The following RBFOX1 variants were observed in gnomAD, a reference collection of about 807,000 sequenced individuals.
The protein encoded by RBFOX1 is RNA binding protein fox-1 homolog 1.
RBFOX1 carries 8 observed loss-of-function variants against 57.7 expected under a neutral mutation model. The ratio of observed to expected loss-of-function variants is 0.14; its 90% CI spans 0.08 to 0.25. The LOEUF is 0.25. Ranked by LOEUF, RBFOX1 falls within the 10% of genes least tolerant of loss-of-function variation. The probability of loss-of-function intolerance (pLI) is 1.00; values close to 1 mark genes in which losing one functional copy is unlikely to be tolerated. For missense variants in RBFOX1, 611 were observed against 548.5 expected (o/e 1.11, Z -1.14); for synonymous variants, 326 against 222.4 (o/e 1.47, Z -4.15).
At chr16:7,592,898 A>G (rs2094516256) in intron 7 of RBFOX1, among the ~76,000 whole-genome samples, 1 of 151,748 alleles carries the variant, frequency 6.6e-6, no homozygotes, top group African/African-American at 2.4e-5. Flanking sequence ...TGTAGCCTCA[A>G]CCTCCTGGGC....
intron 4 of RBFOX1, among the ~76,000 whole-genome samples, chr16:7,381,506 CTTTTT>C (rs1194917348): frequency 6.8e-6 from 1 of 148,096 alleles, no homozygotes; most frequent in African/African-American, 2.5e-5. Context: ...TCCCCCCCGC[CTTTTT>C]TTTTTATTTT....
chr16:5,891,716 G>T (rs965917953), intron 4 of RBFOX1, among the ~76,000 whole-genome samples: 1 of 152,092 alleles, frequency 6.6e-6, no homozygotes, highest in Non-Finnish European at 1.5e-5. Flanking sequence ...TGGGGAGAAA[G>T]GAACAGTGAG....
At position 7,101,300 on chromosome 16, in the gene RBFOX1, G is replaced by A. The variant is rs753168800; in HGVS notation, c.27+49202G>A. On this transcript the variant is annotated intron_variant, in intron 4 of 15. Transcript: ENST00000550418. The stretch of plus-strand genomic sequence containing the variant: ...TCGCCGCTAGCTTGGATGAATACAT[G>A]ACACACCATTGCGCTTGGAGAAAAT... 1.3e-4 allele frequency among the ~76,000 whole-genome samples: 20 copies of A among 152,186 alleles called. 1 individual carries two copies. The highest frequency in any genetic ancestry group is 1.3e-4 in the Admixed American group (2 of 15,274).
intron 11 of RBFOX1, among the ~76,000 whole-genome samples, chr16:7,652,069 G>A (rs541671532): frequency 6.6e-6 from 1 of 151,726 alleles, no homozygotes; most frequent in Non-Finnish European, 1.5e-5. Context: ...AGGGGACAGG[G>A]GTAACCGGGG....
chr16:6,327,144 A>G (rs78447472), intron 2 of RBFOX1, among the ~76,000 whole-genome samples: 1 of 152,226 alleles, frequency 6.6e-6, no homozygotes, highest in Non-Finnish European at 1.5e-5. Context: ...CCCAGTCCAG[A>G]TGTATGGTCC....
Position 7,298,436 on chromosome 16 carries a change from G to A in RBFOX1, c.28-219711G>A, listed in dbSNP as rs189802144. ...CCCAAGTAGCTGGGACTACAGATGC[G>A]TGCGACTATGCCTGAGGGCTAATTT... On this transcript the variant is annotated intron_variant, in intron 4 of 15. Coordinates refer to ENST00000550418, the MANE Select transcript of RBFOX1 (RefSeq NM_018723.4). 5.5e-4 allele frequency among the ~76,000 whole-genome samples: 84 copies of A among 152,068 alleles called. 1 individual carries two copies. In the East Asian group the frequency reaches 0.014, roughly 25 times the overall value.
intron 2 of RBFOX1, among the ~76,000 whole-genome samples, chr16:5,598,567 G>A (rs1177263653): frequency 6.6e-6 from 1 of 152,010 alleles, no homozygotes; most frequent in Non-Finnish European, 1.5e-5. Context: ...TTTCTAACAT[G>A]TAATCGATAT....
intron 14 of RBFOX1, among the ~76,000 whole-genome samples, chr16:7,703,182 C>T (rs922344815): frequency 2.0e-5 from 3 of 152,194 alleles, no homozygotes; most frequent in African/African-American, 7.2e-5. Flanking sequence ...TTTCCAAATA[C>T]TTAAGACTAT....
intron 4 of RBFOX1, among the ~76,000 whole-genome samples, chr16:7,404,407 G>A (rs149036808): frequency 6.6e-6 from 1 of 152,266 alleles, no homozygotes; most frequent in African/African-American, 2.4e-5. Context: ...TCAGGGACAG[G>A]CCTCCAAGCT....
At chr16:5,350,499 CT>C (rs2065238682) in intron 1 of RBFOX1, among the ~76,000 whole-genome samples, 2 of 152,156 alleles carry the variant, frequency 1.3e-5, no homozygotes, top group Non-Finnish European at 2.9e-5. Context: ...CCGTGTCAGC[CT>C]TTGCTCTTTG....
At chr16:7,026,413 T>A (rs972202985) in intron 3 of RBFOX1, among the ~76,000 whole-genome samples, 13 of 152,226 alleles carry the variant, frequency 8.5e-5, no homozygotes, top group African/African-American at 3.1e-4. Flanking sequence ...AAAGAACAGT[T>A]GAGGGCAGCA....
chr16:5,479,715 C>G (rs149032195), intron 2 of RBFOX1, among the ~76,000 whole-genome samples: 1 of 152,014 alleles, frequency 6.6e-6, no homozygotes. Flanking sequence ...TCCAAGATCG[C>G]GCCATTCCAG....
intron 3 of RBFOX1, among the ~76,000 whole-genome samples, chr16:6,699,564 C>G (rs965994310): frequency 1.3e-5 from 2 of 152,172 alleles, no homozygotes; most frequent in Admixed American, 6.5e-5. Context: ...AACACCAAAG[C>G]GAGTGATATG....
At position 6,019,960 on chromosome 16, in the gene RBFOX1, C is replaced by G. The variant is rs1235149522; in HGVS notation, c.-159C>G. On this transcript the variant is annotated 5_prime_UTR_variant, in exon 1 of 16. Coordinates refer to ENST00000550418, the MANE Select transcript of RBFOX1 (RefSeq NM_018723.4). The surrounding 1 kb of genome is among the most constrained non-coding windows in gnomAD (Gnocchi z 4.2). ...GAATTCGGGGGTCTGGGGCCGAGAA[C>G]GTGACCGCAGCCGGGCTCGCCGGGA... 59 of 1,531,790 alleles carry G rather than the reference C, an allele frequency of 3.9e-5. No homozygotes were observed. The highest frequency in any genetic ancestry group is 4.8e-5 in the Non-Finnish European group (55 of 1,144,302). The allele number at this position is 1,531,790 out of a possible 1,614,324, so 94.9% of individuals were successfully genotyped here. A position where few individuals can be genotyped will look rare whatever the true frequency, so the allele number is the denominator to read the frequency against.
intron 2 of RBFOX1, among the ~76,000 whole-genome samples, chr16:6,481,940 G>A (rs919361966): frequency 2.0e-5 from 3 of 151,954 alleles, no homozygotes; most frequent in African/African-American, 7.3e-5. Context: ...ATCCCTCCTC[G>A]TTTTGTTCCT....
intron 3 of RBFOX1, among the ~76,000 whole-genome samples, chr16:6,723,027 G>A (rs1327485284): frequency 1.3e-5 from 2 of 152,162 alleles, no homozygotes; most frequent in African/African-American, 4.8e-5. Context: ...AGAGATAAGT[G>A]GAAAGGATCT....
At chr16:6,475,618 G>A (rs1445240845) in intron 2 of RBFOX1, among the ~76,000 whole-genome samples, 1 of 152,172 alleles carries the variant, frequency 6.6e-6, no homozygotes, top group Non-Finnish European at 1.5e-5. Context: ...ATCTCAATAT[G>A]CTTCATTAAG....
chr16:6,724,879 C>G (rs1045779465), intron 3 of RBFOX1, among the ~76,000 whole-genome samples: 1 of 152,116 alleles, frequency 6.6e-6, no homozygotes, highest in Admixed American at 6.5e-5. Flanking sequence ...CTCTGCCTCC[C>G]CCAAAGCCAT....
intron 4 of RBFOX1, among the ~76,000 whole-genome samples, chr16:7,140,422 G>T (rs2073448812): frequency 6.6e-6 from 1 of 151,648 alleles, no homozygotes; most frequent in Non-Finnish European, 1.5e-5. Context: ...ATGTTTTCAT[G>T]GCTATATTGT....
Sources: allele counts gnomAD v4.1 joint callset (sites outside exome capture counted in the v4.1 genomes callset), GRCh38; gene constraint gnomAD v4.1.1; non-coding constraint Gnocchi (gnomAD v3.1); transcripts MANE v1.5; gene names NCBI Gene and HGNC (gene_info 2026-07-23, HGNC 2026-07-21).